STYXL1: variants seen among roughly 807,000 people sequenced by gnomAD.
STYXL1 encodes the protein serine/threonine/tyrosine interacting like 1.
In STYXL1, 32 loss-of-function variants were observed where a neutral mutation model predicts 36.4. The ratio of observed to expected loss-of-function variants is 0.88; its 90% CI spans 0.66 to 1.18. STYXL1 has a LOEUF of 1.18. STYXL1 is among the 50% of genes most tolerant of loss of function. The pLI is 0.00. For synonymous variants in STYXL1, 133 were observed against 144.1 expected (o/e 0.92, Z 0.55); for missense variants, 354 against 394.1 (o/e 0.90, Z 0.86).
At chr7:76,045,170 C>T (rs1796832095) in intron 1 of STYXL1, 2 of 152,206 alleles carry the variant, frequency 1.3e-5, no homozygotes, top group South Asian at 4.1e-4. Flanking sequence ...CTCCTCAAAC[C>T]CAGATGAGCA....
intron 1 of STYXL1, among the ~76,000 whole-genome samples, chr7:76,032,870 C>T (rs1795522912): frequency 6.6e-6 from 1 of 152,068 alleles, no homozygotes. Context: ...GAGGACGAAA[C>T]AAAGGATAAG....
intron 3 of STYXL1, among the ~76,000 whole-genome samples, chr7:76,025,774 C>A (rs1554577517): frequency 6.6e-6 from 1 of 151,378 alleles, no homozygotes; most frequent in African/African-American, 2.4e-5. Context: ...ACAGACAGAG[C>A]AAGATTCTGT....
At chr7:76,044,985 C>T (rs1796810563) in intron 1 of STYXL1, 1 of 152,216 alleles carries the variant, frequency 6.6e-6, no homozygotes, top group South Asian at 2.1e-4. Flanking sequence ...ATGAACACGG[C>T]CCATACCACT....
At chr7:76,029,873 T>A (rs781884108) in intron 2 of STYXL1, among the ~76,000 whole-genome samples, 2 of 152,042 alleles carry the variant, frequency 1.3e-5, no homozygotes, top group African/African-American at 2.4e-5. Context: ...CGATGGGGAG[T>A]GGCTGTAAAT....
intron 4 of STYXL1, among the ~76,000 whole-genome samples, chr7:76,018,999 C>G (rs1299704510): frequency 6.6e-6 from 1 of 152,212 alleles, no homozygotes; most frequent in African/African-American, 2.4e-5. Flanking sequence ...TCATCTGTCT[C>G]TTTGATTATT....
chr7:76,034,299 G>T (rs1233864066), intron 1 of STYXL1, among the ~76,000 whole-genome samples: 1 of 152,070 alleles, frequency 6.6e-6, no homozygotes, highest in Non-Finnish European at 1.5e-5. Context: ...GTCTCACTAT[G>T]TTGCCCAGGC....
intron 1 of STYXL1, chr7:76,044,753 A>C (rs1311675698): frequency 2.0e-5 from 3 of 152,214 alleles, no homozygotes; most frequent in African/African-American, 4.8e-5. Context: ...TGGCACAATC[A>C]TGGCTCACTA....
At chr7:76,046,339 T>TGTGCGCGC (rs1797056612) in intron 1 of STYXL1, among the ~76,000 whole-genome samples, 1 of 44,908 alleles carries the variant, frequency 2.2e-5, no homozygotes, top group African/African-American at 7.3e-5. Flanking sequence ...TGTGTGTGTG[T>TGTGCGCGC]GCGCGCGCGC....
chr7:76,026,454 A>AT (rs535814444), intron 3 of STYXL1, among the ~76,000 whole-genome samples: 1 of 151,498 alleles, frequency 6.6e-6, no homozygotes, highest in Non-Finnish European at 1.5e-5. Flanking sequence ...TAATTTTTCA[A>AT]TTTTTTTGTA....
rs782135190 is a variant in STYXL1, at chr7:76,030,496, T to C, written c.28A>G (p.Thr10Ala). MPGLLLCEP[T>A]ELYNILNQAT... ...TGATTCAGGATGTTGTAAAGCTCTGTTGGTTCACATAAAAGCAAACCAGGC... is the reference window on the plus strand; with the variant it reads ...TGATTCAGGATGTTGTAAAGCTCTGCTGGTTCACATAAAAGCAAACCAGGC... The change falls in exon 2 of 9, where the codon ACA becomes GCA. Residue 10 changes from threonine to alanine, a missense_variant. Thr to Ala is a moderately conservative substitution (Grantham distance 58, BLOSUM62 0). Coordinates refer to ENST00000359697, the MANE Select transcript of STYXL1 (RefSeq NM_001317785.2). The C allele has an allele frequency of 7.4e-6, 12 of 1,613,882 alleles. No homozygotes were observed. Among genetic ancestry groups the C allele is most frequent in the African/African-American group, 4.0e-5 (3 of 74,926 alleles).
chr7:76,025,530 C>A (rs2116183659), intron 3 of STYXL1, among the ~76,000 whole-genome samples: 1 of 152,270 alleles, frequency 6.6e-6, no homozygotes, highest in Middle Eastern at 3.4e-3. Context: ...TGGCTCATGC[C>A]TGTAATCCCA....
intron 4 of STYXL1, among the ~76,000 whole-genome samples, chr7:76,016,380 T>C (rs969785282): frequency 6.6e-6 from 1 of 151,544 alleles, no homozygotes; most frequent in Non-Finnish European, 1.5e-5. Context: ...ATATATAGCG[T>C]ATATACGTAT....
intron 1 of STYXL1, among the ~76,000 whole-genome samples, chr7:76,041,259 G>A (rs2116492453): frequency 6.6e-6 from 1 of 152,158 alleles, no homozygotes; most frequent in Non-Finnish European, 1.5e-5. Flanking sequence ...AGGTAGGTTA[G>A]TATATAATGT....
intron 3 of STYXL1, among the ~76,000 whole-genome samples, chr7:76,024,648 CA>C (rs781809122): frequency 2.1e-5 from 2 of 94,958 alleles, no homozygotes; most frequent in African/African-American, 3.0e-5. Flanking sequence ...AAAAACAAAA[CA>C]AAAAAAAGCC....
intron 1 of STYXL1, among the ~76,000 whole-genome samples, chr7:76,042,390 C>CTTTTTTTTGTTTTTTT (rs1796555583): frequency 2.4e-5 from 1 of 41,816 alleles, no homozygotes; most frequent in Non-Finnish European, 5.3e-5. Context: ...CCCTTATGTG[C>CTTTTTTTTGTTTTTTT]TTTTTTTTTT....
At chr7:76,021,691 G>A (rs559671399) in intron 4 of STYXL1, among the ~76,000 whole-genome samples, 160 bp downstream of exon 4, 1 of 152,166 alleles carries the variant, frequency 6.6e-6, no homozygotes, top group South Asian at 2.1e-4. Context: ...CTCCTTGCTC[G>A]GTATCCAGTG....
chr7:76,001,380 A>G (rs1464142338), intron 7 of STYXL1, among the ~76,000 whole-genome samples: 4 of 152,164 alleles, frequency 2.6e-5, no homozygotes, highest in African/African-American at 4.8e-5. Context: ...CTGAGTGCCA[A>G]TCCTGACTGC....
intron 1 of STYXL1, among the ~76,000 whole-genome samples, chr7:76,036,020 C>T (rs868914367): frequency 6.7e-6 from 1 of 150,074 alleles, no homozygotes; most frequent in East Asian, 1.9e-4. Flanking sequence ...GAAATTAGGG[C>T]ACCTCTAGCC....
intron 4 of STYXL1, among the ~76,000 whole-genome samples, chr7:76,016,316 A>G (rs934903676): frequency 4.0e-5 from 6 of 151,742 alleles, no homozygotes; most frequent in African/African-American, 9.7e-5. Context: ...ATATACACGT[A>G]TATCTATACA....
Sources: allele counts gnomAD v4.1 joint callset (sites outside exome capture counted in the v4.1 genomes callset), GRCh38; gene constraint gnomAD v4.1.1; transcripts MANE v1.5; gene names NCBI Gene and HGNC (gene_info 2026-07-23, HGNC 2026-07-21).